Variants in GRID2 observed in about 807,000 individuals in gnomAD.
The protein encoded by GRID2 is glutamate ionotropic receptor delta type subunit 2, also known as glutamate receptor ionotropic, delta-2.
GRID2 carries 33 observed loss-of-function variants against 114.8 expected under a neutral mutation model. That is an observed-to-expected ratio of 0.29 (90% CI 0.22 to 0.38). GRID2 has a LOEUF of 0.38. Ranked by LOEUF, GRID2 falls within the 10% of genes least tolerant of loss-of-function variation. GRID2 has a pLI of 1.00. For missense variants in GRID2, 1,184 were observed against 1,257.7 expected (o/e 0.94, Z 0.89); for synonymous variants, 505 against 449.9 (o/e 1.12, Z -1.55).
At chr4:93,664,572 CTTGGT>C (rs1379313231) in intron 14 of GRID2, among the ~76,000 whole-genome samples, 2 of 152,102 alleles carry the variant, frequency 1.3e-5, no homozygotes, top group African/African-American at 4.8e-5. Context: ...CTCCAAGTTT[CTTGGT>C]TTGAACAACT....
At chr4:92,566,667 T>C (rs1727350282) in intron 1 of GRID2, among the ~76,000 whole-genome samples, 1 of 152,050 alleles carries the variant, frequency 6.6e-6, no homozygotes, top group Admixed American at 6.6e-5. Flanking sequence ...ATTTACACTA[T>C]GTAAAGGGAT....
At chr4:93,420,727 TTTAC>T (rs201386245) in intron 9 of GRID2, among the ~76,000 whole-genome samples, 1 of 97,620 alleles carries the variant, frequency 1.0e-5, no homozygotes, top group African/African-American at 3.8e-5. Flanking sequence ...ATTTATTATT[TTTAC>T]TTATTTATTT....
chr4:92,475,138 T>G, intron 1 of GRID2, among the ~76,000 whole-genome samples: 1 of 147,514 alleles, frequency 6.8e-6, no homozygotes, highest in South Asian at 2.1e-4. Context: ...TAAATAATAA[T>G]AATAATAATA....
At chr4:93,444,750 A>G (rs1261171371) in intron 10 of GRID2, among the ~76,000 whole-genome samples, 1 of 152,052 alleles carries the variant, frequency 6.6e-6, no homozygotes, top group Admixed American at 6.6e-5. Flanking sequence ...TGCAGTATTT[A>G]GAAAGATTGG....
At chr4:93,510,611 C>T (rs1207683484) in intron 12 of GRID2, among the ~76,000 whole-genome samples, 1 of 152,120 alleles carries the variant, frequency 6.6e-6, no homozygotes. Flanking sequence ...GTCACACAAT[C>T]TCATACTTGG....
At chr4:93,176,099 A>G (rs1431255814) in intron 4 of GRID2, among the ~76,000 whole-genome samples, 3 of 152,240 alleles carry the variant, frequency 2.0e-5, no homozygotes, top group African/African-American at 7.2e-5. Flanking sequence ...TAATAAGCAA[A>G]TGGGTATTTT....
In GRID2 at chr4:92,564,424, C is replaced by T. The variant is rs193157188; in HGVS notation, c.89-25707C>T. Among the ~76,000 whole-genome samples, 600 of 151,976 alleles carry T rather than the reference C, an allele frequency of 3.9e-3. 3 individuals carry two copies. The highest frequency in any genetic ancestry group is 5.7e-3 in the Non-Finnish European group (387 of 67,874). On this transcript the variant is annotated intron_variant, in intron 1 of 15. Coordinates refer to ENST00000282020, the MANE Select transcript of GRID2 (RefSeq NM_001510.4). ...ATATAAGCATTACATTAGTACAAAT[C>T]AAGGTTGATAGACACTTAAACAAGT...
chr4:92,557,335 T>C (rs1049425223), intron 1 of GRID2, among the ~76,000 whole-genome samples: 1 of 151,606 alleles, frequency 6.6e-6, no homozygotes, highest in Non-Finnish European at 1.5e-5. Flanking sequence ...AAAATTTTAA[T>C]TTTATAATGA....
At chr4:92,542,839 A>G (rs1432997634) in intron 1 of GRID2, among the ~76,000 whole-genome samples, 1 of 152,120 alleles carries the variant, frequency 6.6e-6, no homozygotes, top group Non-Finnish European at 1.5e-5. Context: ...TAAGTAAACA[A>G]TCAGAAGGTA....
chr4:93,484,116 A>C (rs1726140220), intron 11 of GRID2, among the ~76,000 whole-genome samples: 1 of 151,758 alleles, frequency 6.6e-6, no homozygotes, highest in Non-Finnish European at 1.5e-5. Flanking sequence ...TTTAGTTTTT[A>C]ATTGTGAAGT....
At chr4:93,400,404 A>G (rs901612912) in intron 9 of GRID2, among the ~76,000 whole-genome samples, 15 of 152,086 alleles carry the variant, frequency 9.9e-5, no homozygotes, top group African/African-American at 3.6e-4. Context: ...TTGCCCACTG[A>G]TCTTTACTTC....
chr4:93,718,431 T>C (rs1729089670), intron 14 of GRID2, among the ~76,000 whole-genome samples: 1 of 152,182 alleles, frequency 6.6e-6, no homozygotes, highest in Admixed American at 6.5e-5. Flanking sequence ...AAAGTTCCAA[T>C]GACGTAATGG....
chr4:92,593,898 A>G (rs1728825651), intron 2 of GRID2, among the ~76,000 whole-genome samples: 1 of 149,360 alleles, frequency 6.7e-6, no homozygotes, highest in African/African-American at 2.5e-5. Flanking sequence ...TCTAGGATGT[A>G]GTGTTCTCCG....
chr4:93,566,432 T>G (rs1452905048), intron 13 of GRID2, among the ~76,000 whole-genome samples: 1 of 152,094 alleles, frequency 6.6e-6, no homozygotes, highest in African/African-American at 2.4e-5. Context: ...TATATTTTGA[T>G]TATGGTCATG....
At chr4:93,116,433 AGATAT>A (rs1733268066) in intron 4 of GRID2, among the ~76,000 whole-genome samples, 1 of 152,202 alleles carries the variant, frequency 6.6e-6, no homozygotes, top group African/African-American at 2.4e-5. Context: ...CAAAGTATTA[AGATAT>A]GATTATATTT....
chr4:93,186,000 G>A (rs1186809633), intron 4 of GRID2, among the ~76,000 whole-genome samples: 1 of 152,022 alleles, frequency 6.6e-6, no homozygotes, highest in East Asian at 1.9e-4. Flanking sequence ...TGCGGTGTTT[G>A]GTTTTCTGTT....
At chr4:92,864,447 C>G (rs993528655) in intron 2 of GRID2, among the ~76,000 whole-genome samples, 8 of 152,112 alleles carry the variant, frequency 5.3e-5, no homozygotes, top group African/African-American at 1.9e-4. Context: ...GGAATAATAA[C>G]AAAATTTCTT....
chr4:93,578,113 T>G (rs967540128), intron 13 of GRID2, among the ~76,000 whole-genome samples: 6 of 152,166 alleles, frequency 3.9e-5, no homozygotes, highest in Admixed American at 3.9e-4. Context: ...TTTTATCTGC[T>G]CTTCCGTGGT....
chr4:93,245,890 G>C (rs567536433), intron 8 of GRID2, among the ~76,000 whole-genome samples: 1 of 152,294 alleles, frequency 6.6e-6, no homozygotes, highest in Non-Finnish European at 1.5e-5. Flanking sequence ...GGAATTAACA[G>C]AATTCATTTT....
Sources: allele counts gnomAD v4.1 joint callset (sites outside exome capture counted in the v4.1 genomes callset), GRCh38; gene constraint gnomAD v4.1.1; transcripts MANE v1.5; gene names NCBI Gene and HGNC (gene_info 2026-07-23, HGNC 2026-07-21).